PKD2L1: variants seen among roughly 807,000 people sequenced by gnomAD.
PKD2L1 encodes polycystin 2 like 1, transient receptor potential cation channel, also known as polycystin-2-like protein 1.
In PKD2L1, 77 loss-of-function variants were observed where a neutral mutation model predicts 93.0. The ratio of observed to expected loss-of-function variants is 0.83; its 90% confidence interval spans 0.69 to 1.00. PKD2L1 has a LOEUF of 1.00. Ranked by LOEUF, PKD2L1 falls within the 50% of genes least tolerant of loss-of-function variation. The pLI, the probability that PKD2L1 is intolerant of heterozygous loss-of-function variation, is 0.00. For missense variants in PKD2L1, 977 were observed against 990.9 expected (o/e 0.99, Z 0.19); for synonymous variants, 390 against 388.0 (o/e 1.01, Z -0.06).
At chr10:100,290,613 A>G in intron 12 of PKD2L1, 94 bp from the exon 13 acceptor site, 1 of 757,588 alleles carries the variant, frequency 1.3e-6, no homozygotes, top group Non-Finnish European at 2.3e-6. Flanking sequence ...TCTCAGGACC[A>G]AGGCTCAGGT....
chr10:100,323,985 G>A (rs1396469510), intron 2 of PKD2L1, among the ~76,000 whole-genome samples: 3 of 151,834 alleles, frequency 2.0e-5, no homozygotes, highest in Non-Finnish European at 2.9e-5. Context: ...CCGCCATCAC[G>A]CCTGGCTAAT....
chr10:100,289,245 T>C (rs556813638), intron 14 of PKD2L1, among the ~76,000 whole-genome samples, 189 bp from the exon 15 acceptor site: 1 of 152,114 alleles, frequency 6.6e-6, no homozygotes, highest in South Asian at 2.1e-4. Context: ...GGGGATTAGA[T>C]AGTGAGTATG....
At chr10:100,312,311 C>T (rs565097551) in intron 2 of PKD2L1, among the ~76,000 whole-genome samples, 15 of 152,310 alleles carry the variant, frequency 9.8e-5, no homozygotes, top group Non-Finnish European at 1.6e-4. Flanking sequence ...TCAGAAGATT[C>T]TGGTTCTAGA....
intron 7 of PKD2L1, 82 bp downstream of exon 7, chr10:100,296,040 A>AAAAAAAAAG (rs1318624910): frequency 3.1e-5 from 43 of 1,368,026 alleles, no homozygotes; most frequent in Non-Finnish European, 4.2e-5. Context: ...ATCTCAAAAA[A>AAAAAAAAAG]AAAAAAAAGA....
chr10:100,323,914 G>A (rs1027219056), intron 2 of PKD2L1, among the ~76,000 whole-genome samples: 1 of 151,882 alleles, frequency 6.6e-6, no homozygotes, highest in Non-Finnish European at 1.5e-5. Flanking sequence ...TGCAACCTCC[G>A]CCTCCCAGGT....
At chr10:100,304,062 C>A (rs1848745529) in intron 2 of PKD2L1, among the ~76,000 whole-genome samples, 1 of 152,214 alleles carries the variant, frequency 6.6e-6, no homozygotes, top group Non-Finnish European at 1.5e-5. Context: ...AGAAAAATGG[C>A]TTGACCTGGT....
chr10:100,288,319 T>A lies in PKD2L1; in HGVS notation c.*77A>T. The stretch of plus-strand genomic sequence containing the variant: ...TATCTCCTGGTTAAAGCCCACTCAG[T>A]TTCCAGGTTCAGTGGACCAGGAGGC... On this transcript the variant is annotated 3_prime_UTR_variant, in exon 16 of 16. Coordinates refer to ENST00000318222, the MANE Select transcript of PKD2L1 (RefSeq NM_016112.3). The A allele has an allele frequency of 1.1e-6, 1 of 897,688 alleles. No individual in the cohort carries two copies. The highest frequency in any genetic ancestry group is 1.3e-5 in the South Asian group (1 of 75,466). The allele number at this position is 897,688 out of a possible 1,614,324, so 55.6% of individuals were successfully genotyped here.
At chr10:100,289,673 C>T (rs1295493741) in intron 14 of PKD2L1, among the ~76,000 whole-genome samples, 1 of 152,194 alleles carries the variant, frequency 6.6e-6, no homozygotes, top group Admixed American at 6.5e-5. Context: ...GATACTGAAT[C>T]TACTGGCACC....
At chr10:100,291,711 T>C (rs1446545806) in intron 11 of PKD2L1, among the ~76,000 whole-genome samples, 1 of 152,166 alleles carries the variant, frequency 6.6e-6, no homozygotes, top group Non-Finnish European at 1.5e-5. Flanking sequence ...GCTTCCCCTT[T>C]ACTCCCTACC....
chr10:100,308,234 C>T (rs979780325), intron 2 of PKD2L1, among the ~76,000 whole-genome samples: 16 of 152,044 alleles, frequency 1.1e-4, no homozygotes, highest in African/African-American at 3.6e-4. Context: ...ATACATTATT[C>T]ACCAGGCTTT....
In PKD2L1 at chr10:100,297,642, G is replaced by T. The variant is rs774882392; in HGVS notation, c.732-36C>A. ...AAATGCCAGCTGAGCCAGCCCAAAA[G>T]TTCATCTCCCAAGGCAATGGCAATG... On this transcript the variant is annotated intron_variant, in intron 4 of 15. Transcript: ENST00000318222. 2.0e-6 allele frequency: 3 copies of T among 1,512,354 alleles called. No homozygotes were observed. The South Asian group carries it at 3.4e-5, about 17-fold the overall frequency. 93.7% of individuals were successfully genotyped at this position (1,512,354 alleles called of 1,614,324 possible). A position where few individuals can be genotyped will look rare whatever the true frequency, so the allele number is the denominator to read the frequency against.
At position 100,293,323 on chromosome 10, in the gene PKD2L1, A is replaced by C. The variant is rs1356145237; in HGVS notation, c.1716T>G (p.Ala572=). ...AAAGTTGCAGCTCATCCTTCTGTCC[A>C]GCCAGCTCCTCCTTGACCTCTGAAT... is the stretch of plus-strand genomic sequence containing the variant. ...DTYSEVKEEL[A]GQKDELQLSD... Residue 572 remains alanine, a synonymous_variant, in exon 10 of 16, where the codon GCT becomes GCG. Transcript: ENST00000318222. 6.2e-7 allele frequency: 1 copy of C among 1,613,794 alleles called. No homozygotes were observed. The highest frequency in any genetic ancestry group is 1.3e-5 in the African/African-American group (1 of 74,930).
Position 100,290,157 on chromosome 10 carries a change from A to G in PKD2L1, c.2127-19T>C. 1 of 1,613,778 alleles carries G rather than the reference A, an allele frequency of 6.2e-7. No homozygotes were observed. ...TGTGAGCCTGTGTGGGATTTGAGAG[A>G]GACGAATGGAGCAGAAATCTGTGTC... is the stretch of plus-strand genomic sequence containing the variant. On this transcript the variant is annotated intron_variant, in intron 13 of 15. Transcript: ENST00000318222.
chr10:100,296,043 AAAAAAG>A, intron 7 of PKD2L1, 73 bp downstream of exon 7: 2 of 1,386,850 alleles, frequency 1.4e-6, no homozygotes, highest in African/African-American at 1.5e-5. Context: ...TCAAAAAAAA[AAAAAAG>A]AAAAAAAAGA....
intron 2 of PKD2L1, among the ~76,000 whole-genome samples, chr10:100,328,454 G>A (rs919198912): frequency 4.6e-5 from 7 of 152,054 alleles, no homozygotes; most frequent in Admixed American, 3.3e-4. Context: ...ATCTAAGGTC[G>A]CCTGGATCTT....
intron 15 of PKD2L1, among the ~76,000 whole-genome samples, chr10:100,288,753 A>G (rs1848336040): frequency 6.6e-6 from 1 of 152,164 alleles, no homozygotes; most frequent in Non-Finnish European, 1.5e-5. Context: ...TATTTCACAG[A>G]GCTATGTGGC....
At chr10:100,296,901 G>A in intron 6 of PKD2L1, 79 bp downstream of exon 6, 2 of 888,016 alleles carry the variant, frequency 2.3e-6, no homozygotes, top group East Asian at 2.5e-5. Context: ...GCTCCAAAAG[G>A]AAGAACCTGG....
At chr10:100,308,468 A>G (rs1248041183) in intron 2 of PKD2L1, among the ~76,000 whole-genome samples, 1 of 151,680 alleles carries the variant, frequency 6.6e-6, no homozygotes, top group Non-Finnish European at 1.5e-5. Context: ...CCAGGTAGCT[A>G]GGATTACAGG....
At chr10:100,301,589 C>T (rs188442432) in intron 2 of PKD2L1, among the ~76,000 whole-genome samples, 5 of 152,290 alleles carry the variant, frequency 3.3e-5, no homozygotes, top group African/African-American at 9.6e-5. Context: ...GCCCGGCCCA[C>T]AGGCAGCCAG....
Sources: gnomAD v4.1 joint callset for allele counts (sites outside exome capture counted in the v4.1 genomes callset) on GRCh38, gnomAD v4.1.1 for gene constraint, MANE v1.5 for transcripts, NCBI Gene and HGNC (gene_info 2026-07-23, HGNC 2026-07-21) for gene names.